EIF4G3: variants seen among roughly 807,000 people sequenced by gnomAD.
EIF4G3 encodes the protein eIF-4-gamma 3.
Under a neutral mutation model 186.4 loss-of-function variants are expected in EIF4G3, and 34 were observed. That is an observed-to-expected ratio of 0.18 (90% CI 0.14 to 0.24). The LOEUF is 0.24. EIF4G3 is among the 10% of genes least tolerant of loss of function. The pLI is 1.00. For missense variants in EIF4G3, 1,536 were observed against 1,948.5 expected (o/e 0.79, Z 3.99); for synonymous variants, 673 against 679.5 (o/e 0.99, Z 0.15).
At chr1:21,051,339 A>G (rs1379507403) in intron 3 of EIF4G3, among the ~76,000 whole-genome samples, 1 of 152,192 alleles carries the variant, frequency 6.6e-6, no homozygotes, top group Non-Finnish European at 1.5e-5. Context: ...AAATGGTTGA[A>G]AGAGGAAGGA....
intron 6 of EIF4G3, among the ~76,000 whole-genome samples, chr1:20,998,367 T>C (rs1467165892): frequency 6.6e-6 from 1 of 152,006 alleles, no homozygotes; most frequent in Non-Finnish European, 1.5e-5. Flanking sequence ...CTTATAGGCT[T>C]GATAAGAAAA....
intron 34 of EIF4G3, 40 bp downstream of exon 34, chr1:20,817,352 T>C (rs1048890957): frequency 9.3e-6 from 13 of 1,392,682 alleles, no homozygotes; most frequent in Non-Finnish European, 9.5e-6. Context: ...CAAGAATCTT[T>C]CCTGTAGAGG....
At chr1:21,030,429 G>A (rs1372002788) in intron 4 of EIF4G3, among the ~76,000 whole-genome samples, 1 of 152,136 alleles carries the variant, frequency 6.6e-6, no homozygotes, top group Non-Finnish European at 1.5e-5. Flanking sequence ...TTTGCCTGCT[G>A]CCATCCATGT....
chr1:20,837,331 G>A (rs927482235), intron 30 of EIF4G3, among the ~76,000 whole-genome samples: 3 of 152,016 alleles, frequency 2.0e-5, no homozygotes, highest in African/African-American at 7.2e-5. Context: ...TCAGCCTCCC[G>A]AGCAGCTGGG....
intron 4 of EIF4G3, among the ~76,000 whole-genome samples, chr1:21,020,134 G>C (rs1333162937): frequency 6.6e-6 from 1 of 152,042 alleles, no homozygotes; most frequent in Non-Finnish European, 1.5e-5. Flanking sequence ...CTTATTCTTT[G>C]CAACGTGCCA....
chr1:20,957,018 GCTTGGGCTAACAGCATTCAGAT>G (rs2096447286), intron 12 of EIF4G3, among the ~76,000 whole-genome samples: 1 of 152,188 alleles, frequency 6.6e-6, no homozygotes, highest in Non-Finnish European at 1.5e-5. Context: ...GAGGGTGTAT[GCTTGGGCTAACAGCATTCAGAT>G]TGATGAAATA....
chr1:21,138,332 A>G (rs1235963946), intron 2 of EIF4G3, among the ~76,000 whole-genome samples: 2 of 152,222 alleles, frequency 1.3e-5, no homozygotes, highest in African/African-American at 4.8e-5. Flanking sequence ...CAATAGGTAC[A>G]TGAATCACAA....
At chr1:20,980,275 G>A in intron 10 of EIF4G3, 59 bp downstream of exon 10, 1 of 1,252,346 alleles carries the variant, frequency 8.0e-7, no homozygotes, top group Non-Finnish European at 1.1e-6. Context: ...AACCCACCAA[G>A]CAACAAAATT....
At chr1:20,977,366 A>T (rs563999987) in intron 10 of EIF4G3, among the ~76,000 whole-genome samples, 3 of 151,496 alleles carry the variant, frequency 2.0e-5, no homozygotes, top group Non-Finnish European at 4.4e-5. Flanking sequence ...TTTGTATTTT[A>T]AGTAGAGATG....
chr1:21,061,350 G>A (rs1442502353), intron 3 of EIF4G3, among the ~76,000 whole-genome samples: 4 of 152,060 alleles, frequency 2.6e-5, no homozygotes, highest in Non-Finnish European at 4.4e-5. Flanking sequence ...TTTTTGGATC[G>A]GGATGTTCAA....
At position 20,886,386 on chromosome 1, in the gene EIF4G3, T is replaced by C; in HGVS notation, c.2254-15A>G. On this transcript the variant is annotated splice_polypyrimidine_tract_variant and intron_variant, in intron 18 of 36. Transcript: ENST00000602326. Reference sequence around the variant, plus strand: ...ACATTCAACAACTAGGACAAGAATATTACAGCTATTCAGAGTACTTACAAT... The same window carrying C: ...ACATTCAACAACTAGGACAAGAATACTACAGCTATTCAGAGTACTTACAAT... 3 of 1,611,396 alleles carry C rather than the reference T, an allele frequency of 1.9e-6. No homozygotes were observed. In the South Asian group the frequency reaches 3.3e-5, roughly 18 times the overall value.
rs191657415 is a variant in EIF4G3, at chr1:20,955,912, G to A, written c.715-5801C>T. 5.3e-3 allele frequency among the ~76,000 whole-genome samples: 814 copies of A among 152,252 alleles called. 4 individuals carry two copies. Among genetic ancestry groups the A allele is most frequent in the Non-Finnish European group, 6.3e-3 (427 of 68,004 alleles). ...CCAGTTTTGAGGTTGTAGGGCTTGT[G>A]AAATAACTGAGTACAGAGATCAAGT... On this transcript the variant is annotated intron_variant, in intron 12 of 36. Coordinates refer to ENST00000602326, the MANE Select transcript of EIF4G3 (RefSeq NM_001391906.1).
At chr1:20,992,004 A>G (rs767844625) in intron 7 of EIF4G3, among the ~76,000 whole-genome samples, 4 of 152,226 alleles carry the variant, frequency 2.6e-5, no homozygotes, top group Non-Finnish European at 5.9e-5. Context: ...TATTTTACCC[A>G]TTTTGAAGAT....
chr1:21,077,881 C>CAAAAAAAAAAA (rs369662502), intron 3 of EIF4G3, among the ~76,000 whole-genome samples: 1 of 60,090 alleles, frequency 1.7e-5, no homozygotes. Context: ...AACTCCGTCT[C>CAAAAAAAAAAA]AAAAAAAAAA....
chr1:21,104,704 C>A (rs144785928), intron 2 of EIF4G3, among the ~76,000 whole-genome samples: 161 of 152,300 alleles, frequency 1.1e-3, no homozygotes, highest in African/African-American at 3.8e-3. Context: ...CCAGCAATCC[C>A]ATTATTGGGT....
intron 29 of EIF4G3, among the ~76,000 whole-genome samples, chr1:20,845,800 C>A (rs1326897340): frequency 6.6e-6 from 1 of 151,708 alleles, no homozygotes; most frequent in Non-Finnish European, 1.5e-5. Context: ...TTTTTTGGTT[C>A]CATATGAATT....
intron 14 of EIF4G3, among the ~76,000 whole-genome samples, chr1:20,907,381 A>AT (rs1043094355): frequency 1.3e-5 from 2 of 151,582 alleles, no homozygotes; most frequent in African/African-American, 2.4e-5. Context: ...ATTTTTGCAA[A>AT]TTTTTTTTTA....
chr1:21,078,830 C>T (rs1263609217), intron 3 of EIF4G3, among the ~76,000 whole-genome samples: 1 of 151,984 alleles, frequency 6.6e-6, no homozygotes, highest in African/African-American at 2.4e-5. Flanking sequence ...ACTAAAAATA[C>T]AAAAATTCGC....
At chr1:20,864,346 G>A (rs758731333) in intron 22 of EIF4G3, 130 bp downstream of exon 22, 124 of 730,382 alleles carry the variant, frequency 1.7e-4, no homozygotes, top group Middle Eastern at 4.0e-4. Flanking sequence ...CTGACAATGA[G>A]ACGGGCAAAA....
Sources: gnomAD v4.1 joint callset for allele counts (sites outside exome capture counted in the v4.1 genomes callset) on GRCh38, gnomAD v4.1.1 for gene constraint, MANE v1.5 for transcripts, NCBI Gene and HGNC (gene_info 2026-07-23, HGNC 2026-07-21) for gene names.